PIGH: variants seen among roughly 807,000 people sequenced by gnomAD.
PIGH encodes phosphatidylinositol N-acetylglucosaminyltransferase subunit H.
Under a neutral mutation model 20.1 loss-of-function variants are expected in PIGH, and 11 were observed. The observed-to-expected ratio is 0.55, with a 90% CI of 0.34 to 0.91. The LOEUF (loss-of-function observed/expected upper bound fraction) is 0.91, where lower values mean the gene tolerates loss of function less well. Ranked by LOEUF, PIGH falls within the 40% of genes least tolerant of loss-of-function variation. The pLI is 0.02. For missense variants in PIGH, 189 were observed against 233.6 expected, an observed-to-expected ratio of 0.81 and a Z score of 1.24; for synonymous variants, 72 against 93.1, an observed-to-expected ratio of 0.77 and a Z score of 1.31.
At chr14:67,592,773 TTTTTTC>T (rs2140615238) in intron 2 of PIGH, 55 bp from the exon 3 acceptor site, 1 of 1,076,568 alleles carries the variant, frequency 9.3e-7, no homozygotes, top group Admixed American at 1.9e-5. Context: ...TTTGCATTCT[TTTTTTC>T]TTTTTCCTTT....
In PIGH at chr14:67,590,126, C is replaced by A. The variant is rs781533261; in HGVS notation, c.521G>T (p.Cys174Phe). ...LDCLIEVYRS[C>F]QEILAHQKAT... ...TTTCTGGTGTGCCAGGATCTCCTGG[C>A]AGCTCCTGTATACTTCAATCAAGCA... Residue 174 changes from cysteine (C) to phenylalanine (F), a missense_variant, in exon 4 of 4, where the codon TGC becomes TTC. Cys to Phe is a radical substitution (Grantham distance 205). Transcript: ENST00000216452. The A allele has an allele frequency of 5.2e-6, 8 of 1,551,122 alleles. No homozygotes were observed. The South Asian group carries it at 8.3e-5, about 16-fold the overall frequency.
At chr14:67,593,066 C>A (rs953515791) in intron 2 of PIGH, among the ~76,000 whole-genome samples, 2 of 152,230 alleles carry the variant, frequency 1.3e-5, no homozygotes, top group African/African-American at 4.8e-5. Flanking sequence ...GGATTACAGG[C>A]GTGAGCCACC....
chr14:67,592,311 A>G, intron 3 of PIGH: 1 of 436,806 alleles, frequency 2.3e-6, no homozygotes, highest in Non-Finnish European at 4.3e-6. Context: ...GAGATGGTGC[A>G]CACCTGTAGT....
intron 1 of PIGH, among the ~76,000 whole-genome samples, chr14:67,597,910 G>C (rs760285781): frequency 6.6e-6 from 1 of 152,068 alleles, no homozygotes; most frequent in Non-Finnish European, 1.5e-5. Context: ...AATAAACAAG[G>C]GAACAACCTG....
chr14:67,591,363 T>C (rs957380999), intron 3 of PIGH, among the ~76,000 whole-genome samples: 1 of 152,200 alleles, frequency 6.6e-6, no homozygotes, highest in Non-Finnish European at 1.5e-5. Context: ...ACTAGAAATC[T>C]ATAAAACTAT....
intron 3 of PIGH, 36 bp from the exon 4 acceptor site, chr14:67,590,208 G>A (rs1638268541): frequency 6.6e-7 from 1 of 1,521,748 alleles, no homozygotes; most frequent in Non-Finnish European, 8.8e-7. Context: ...GAGTCAAGGT[G>A]AGAATATAAG....
chr14:67,598,956 C>T (rs1400849709), intron 1 of PIGH, among the ~76,000 whole-genome samples: 2 of 152,164 alleles, frequency 1.3e-5, no homozygotes, highest in African/African-American at 4.8e-5. Flanking sequence ...GTGATCCGCC[C>T]GCCTCAGCTT....
chr14:67,589,425 C>T lies in PIGH; in HGVS notation c.*655G>A. The T allele has an allele frequency of 1.0e-6, 1 of 985,122 alleles. No homozygotes were observed. The highest frequency in any genetic ancestry group is 1.2e-6 in the Non-Finnish European group (1 of 829,826). 61.0% of individuals were successfully genotyped at this position (985,122 alleles called of 1,614,324 possible). On this transcript the variant is annotated 3_prime_UTR_variant, in exon 4 of 4. Coordinates refer to ENST00000216452, the MANE Select transcript of PIGH (RefSeq NM_004569.5). The stretch of plus-strand genomic sequence containing the variant: ...CTTCTTGGCAAAAGTAGCTTTTGAA[C>T]TGATATAAAAAAAAATGCTGAGTAA...
Position 67,592,698 on chromosome 14 carries a change from G to A in PIGH, c.411C>T (p.Leu137=), listed in dbSNP as rs1555375418. The change falls in exon 3 of 4, where the codon CTC becomes CTT. Residue 137 remains leucine (L), a synonymous_variant. Transcript: ENST00000216452. ...AIYMQKVIYY[L]CILLKDPVEP... ...CCACTGGATCTTTCAATAAGATGCA[G>A]AGGTAGTAAATCACCTTCTGCTGTA... The A allele has an allele frequency of 6.9e-6, 11 of 1,604,914 alleles. No individual in the cohort carries two copies. In the South Asian group the frequency reaches 1.1e-4, roughly 16 times the overall value.
chr14:67,599,865 C>A (rs1210979908), intron 1 of PIGH, among the ~76,000 whole-genome samples, 159 bp downstream of exon 1: 1 of 152,212 alleles, frequency 6.6e-6, no homozygotes, highest in East Asian at 1.9e-4. Flanking sequence ...AGCTGTCCAG[C>A]AGCGGAATAT....
Position 67,593,958 on chromosome 14 carries a change from G to A in PIGH, c.181-6C>T, listed in dbSNP as rs368200561. The A allele has an allele frequency of 1.4e-5, 23 of 1,595,354 alleles. No individual in the cohort carries two copies. The African/African-American group carries it at 2.8e-4, about 20-fold the overall frequency. Reference sequence around the variant, plus strand: ...GCAGAGAGGATCATGCTGTTCTGAAGAGAGAGCCAGACACAGACAGTAAGA... The same window carrying A: ...GCAGAGAGGATCATGCTGTTCTGAAAAGAGAGCCAGACACAGACAGTAAGA... On this transcript the variant is annotated splice_region_variant and splice_polypyrimidine_tract_variant and intron_variant, in intron 1 of 3. Transcript: ENST00000216452.
intron 1 of PIGH, among the ~76,000 whole-genome samples, chr14:67,599,058 C>T (rs1352030597): frequency 6.6e-6 from 1 of 152,164 alleles, no homozygotes; most frequent in Non-Finnish European, 1.5e-5. Flanking sequence ...GCAATTAGGG[C>T]AGTCTTAATT....
At chr14:67,590,451 C>T (rs768213460) in intron 3 of PIGH, among the ~76,000 whole-genome samples, 2 of 152,032 alleles carry the variant, frequency 1.3e-5, no homozygotes, top group Non-Finnish European at 2.9e-5. Flanking sequence ...CTCTGCATCC[C>T]GGGTTCAAAT....
At chr14:67,594,716 T>C (rs2036438669) in intron 1 of PIGH, among the ~76,000 whole-genome samples, 1 of 151,890 alleles carries the variant, frequency 6.6e-6, no homozygotes, top group Admixed American at 6.6e-5. Flanking sequence ...GGGAGTTATG[T>C]CCTGATAAAC....
intron 1 of PIGH, among the ~76,000 whole-genome samples, chr14:67,595,400 G>A (rs1170391524): frequency 2.0e-5 from 3 of 152,168 alleles, no homozygotes; most frequent in Non-Finnish European, 4.4e-5. Flanking sequence ...CGTAAGTTGG[G>A]AACCATCTGT....
chr14:67,592,544 G>C, intron 3 of PIGH, 91 bp downstream of exon 3: 1 of 748,820 alleles, frequency 1.3e-6, no homozygotes, highest in Admixed American at 2.2e-5. Context: ...CAGCTGTCAG[G>C]TATCTTCCAA....
At chr14:67,592,427 G>T (rs1356286772) in intron 3 of PIGH, 1 of 531,144 alleles carries the variant, frequency 1.9e-6, no homozygotes, top group African/African-American at 1.9e-5. Context: ...GACAAAGTGA[G>T]ACTCTGTCTC....
Position 67,600,159 on chromosome 14 carries a change from C to T in PIGH, c.45G>A (p.Leu15=). Residue 15 remains leucine (L), a synonymous_variant, in exon 1 of 4, where the codon CTG becomes CTA. Transcript: ENST00000216452. ...RSFSDICGGR[L]ALQRRYYSPS... ...GGGAGTAGTAGCGGCGCTGCAGCGC[C>T]AGGCGGCCGCCGCAGATATCCGAAA... The T allele has an allele frequency of 6.3e-7, 1 of 1,589,834 alleles. No homozygotes were observed. Among genetic ancestry groups the T allele is most frequent in the Non-Finnish European group, 8.6e-7 (1 of 1,169,204 alleles).
At chr14:67,597,395 T>C (rs2036494554) in intron 1 of PIGH, among the ~76,000 whole-genome samples, 1 of 152,076 alleles carries the variant, frequency 6.6e-6, no homozygotes, top group Admixed American at 6.5e-5. Flanking sequence ...AGAGGATCGC[T>C]TGAGTCCAGG....
Sources: allele counts gnomAD v4.1 joint callset (sites outside exome capture counted in the v4.1 genomes callset), GRCh38; gene constraint gnomAD v4.1.1; transcripts MANE v1.5; gene names NCBI Gene and HGNC (gene_info 2026-07-23, HGNC 2026-07-21).